The following UNC13C variants were observed in gnomAD, a reference collection of about 807,000 sequenced individuals.
The protein encoded by UNC13C is unc-13 homolog C.
In UNC13C, 174 loss-of-function variants were observed where a neutral mutation model predicts 245.4. The ratio of observed to expected loss-of-function variants is 0.71; its 90% CI spans 0.63 to 0.80. The LOEUF (loss-of-function observed/expected upper bound fraction) is 0.80. Among genes scored for constraint, UNC13C ranks in the 30% least tolerant of loss-of-function variants. The probability of loss-of-function intolerance (pLI) is 0.00; values close to 1 mark genes in which losing one functional copy is unlikely to be tolerated. For missense variants in UNC13C, 2,829 were observed against 2,602.9 expected (o/e 1.09, Z -1.89); for synonymous variants, 992 against 895.1 (o/e 1.11, Z -1.93).
downstream of UNC13C, chr15:54,630,509 A>G (rs1461532292): frequency 6.6e-6 from 1 of 152,208 alleles, no homozygotes; most frequent in African/African-American, 2.4e-5. Context: ...TTTATGCTCA[A>G]ATAATAAATG....
intron 4 of UNC13C, among the ~76,000 whole-genome samples, chr15:54,170,053 GAGAA>G (rs1453656380): frequency 5.5e-5 from 8 of 145,362 alleles, no homozygotes; most frequent in South Asian, 4.3e-4. Context: ...GGGTATATAA[GAGAA>G]AGAGAAATTT....
intron 2 of UNC13C, among the ~76,000 whole-genome samples, chr15:54,131,689 A>C (rs1487832166): frequency 6.6e-6 from 1 of 152,158 alleles, no homozygotes; most frequent in Non-Finnish European, 1.5e-5. Flanking sequence ...CCTTGGTTCT[A>C]GTCATGCACT....
At chr15:54,459,297 C>G (rs950783334) in intron 19 of UNC13C, among the ~76,000 whole-genome samples, 8 of 152,122 alleles carry the variant, frequency 5.3e-5, no homozygotes, top group African/African-American at 1.9e-4. Flanking sequence ...TTATAGGTTA[C>G]CTGATGCTTT....
At chr15:53,876,780 T>C in the UNC13C span, among the ~76,000 whole-genome samples, 1 of 152,182 alleles carries the variant, frequency 6.6e-6, no homozygotes, top group Non-Finnish European at 1.5e-5. Context: ...AGTCTTTTTA[T>C]GATTATAAAA....
intron 10 of UNC13C, among the ~76,000 whole-genome samples, chr15:54,291,670 T>C (rs2037303290): frequency 6.6e-6 from 1 of 151,998 alleles, no homozygotes; most frequent in South Asian, 2.1e-4. Flanking sequence ...AGACAAGTGT[T>C]ATTACCCCAT....
chr15:54,094,322 G>A lies in UNC13C; in HGVS notation c.2984-48696G>A, dbSNP rs1375956189. Among the ~76,000 whole-genome samples the A allele has an allele frequency of 2.0e-5, 3 of 152,038 alleles. No individual in the cohort carries two copies. In the East Asian group the frequency reaches 5.8e-4, roughly 29 times the overall value. On this transcript the variant is annotated intron_variant, in intron 2 of 32. Coordinates refer to ENST00000260323, the MANE Select transcript of UNC13C (RefSeq NM_001080534.3). ...GACTCCCTTCTTATTTTCCCTTATG[G>A]ATGTTACCTCTAATAAATCTCTGTG...
chr15:54,507,381 TAG>T (rs1191187577), intron 23 of UNC13C, among the ~76,000 whole-genome samples, 187 bp downstream of exon 23: 1 of 152,036 alleles, frequency 6.6e-6, no homozygotes, highest in East Asian at 1.9e-4. Flanking sequence ...TACAGGAAGG[TAG>T]AGAGTGTCTC....
the UNC13C span, among the ~76,000 whole-genome samples, chr15:53,918,192 G>A: frequency 6.6e-6 from 1 of 152,176 alleles, no homozygotes; most frequent in Non-Finnish European, 1.5e-5. Context: ...GCTTTTGAAA[G>A]CCACTCCATC....
intron 19 of UNC13C, among the ~76,000 whole-genome samples, chr15:54,440,485 T>G (rs1263130809): frequency 6.6e-6 from 1 of 151,956 alleles, no homozygotes; most frequent in Admixed American, 6.6e-5. Flanking sequence ...AATGACATGA[T>G]TTCATTATTT....
intron 30 of UNC13C, among the ~76,000 whole-genome samples, chr15:54,594,991 A>G (rs1047578265): frequency 1.3e-5 from 2 of 152,192 alleles, no homozygotes; most frequent in Non-Finnish European, 2.9e-5. Flanking sequence ...GGGCAGATGG[A>G]AGGAGGAGGA....
chr15:54,591,552 C>T (rs1287426887), intron 30 of UNC13C, among the ~76,000 whole-genome samples: 1 of 152,064 alleles, frequency 6.6e-6, no homozygotes, highest in Admixed American at 6.6e-5. Flanking sequence ...TCCATCTCTT[C>T]TAGATTTTCT....
chr15:54,376,384 G>A (rs1260043646), intron 17 of UNC13C, among the ~76,000 whole-genome samples: 1 of 152,122 alleles, frequency 6.6e-6, no homozygotes, highest in Non-Finnish European at 1.5e-5. Context: ...GGAAAATTTG[G>A]ATGACACCTG....
the UNC13C span, among the ~76,000 whole-genome samples, chr15:53,945,284 T>A: frequency 1.3e-5 from 2 of 152,224 alleles, no homozygotes. Flanking sequence ...TTTGTTGCAA[T>A]TGCATTTAGC....
intron 4 of UNC13C, among the ~76,000 whole-genome samples, chr15:54,204,015 G>A (rs1211937051): frequency 2.0e-5 from 3 of 151,514 alleles, no homozygotes. Context: ...TGGAATTGGA[G>A]ACTATTACTC....
chr15:54,441,429 C>A (rs1890520276), intron 19 of UNC13C, among the ~76,000 whole-genome samples: 1 of 152,050 alleles, frequency 6.6e-6, no homozygotes, highest in Admixed American at 6.6e-5. Flanking sequence ...AGAAGTTATT[C>A]TTTTCCTGAT....
chr15:53,946,496 G>GGAT, the UNC13C span, among the ~76,000 whole-genome samples: 2 of 147,664 alleles, frequency 1.4e-5, no homozygotes, highest in Non-Finnish European at 3.0e-5. Flanking sequence ...CACCCATGCT[G>GGAT]GATCACCTGA....
At position 54,131,102 on chromosome 15, in the gene UNC13C, T is replaced by C. The variant is rs114727790; in HGVS notation, c.2984-11916T>C. ...TAGTTTTGAGTTGCTTCTTCATTTGTAATAATTGGGAGATTATGTTTGATT... is the reference window on the plus strand; with the variant it reads ...TAGTTTTGAGTTGCTTCTTCATTTGCAATAATTGGGAGATTATGTTTGATT... On this transcript the variant is annotated intron_variant, in intron 2 of 32. Transcript: ENST00000260323. Among the ~76,000 whole-genome samples, 322 of 152,352 alleles carry C rather than the reference T, an allele frequency of 2.1e-3. 1 individual carries two copies. Among genetic ancestry groups the C allele is most frequent in the African/African-American group, 7.6e-3 (315 of 41,588 alleles).
In UNC13C at chr15:54,214,865, A is replaced by G. The variant is rs1014049462; in HGVS notation, c.3072-20165A>G. On this transcript the variant is annotated intron_variant, in intron 4 of 32. Transcript: ENST00000260323. ...TTCATATTTACTACAGCTTTGAACCACAGAAGTGTGACTTAGATGTTTAAA... is the reference window on the plus strand; with the variant it reads ...TTCATATTTACTACAGCTTTGAACCGCAGAAGTGTGACTTAGATGTTTAAA... Among the ~76,000 whole-genome samples the G allele has an allele frequency of 7.9e-5, 12 of 152,102 alleles. No homozygotes were observed. In the East Asian group the frequency reaches 2.3e-3, roughly 29 times the overall value.
intron 4 of UNC13C, among the ~76,000 whole-genome samples, chr15:54,226,279 T>A (rs1379371846): frequency 6.6e-6 from 1 of 152,196 alleles, no homozygotes; most frequent in East Asian, 1.9e-4. Context: ...TTGTCATTTC[T>A]CTTCTAGGTT....
Sources: gnomAD v4.1 joint callset for allele counts (sites outside exome capture counted in the v4.1 genomes callset) on GRCh38, gnomAD v4.1.1 for gene constraint, MANE v1.5 for transcripts, NCBI Gene and HGNC (gene_info 2026-07-23, HGNC 2026-07-21) for gene names.